Variants in CTNND2 observed in about 807,000 individuals in gnomAD.
CTNND2 encodes catenin delta 2.
CTNND2 carries 22 observed loss-of-function variants against 144.4 expected under a neutral mutation model. The ratio of observed to expected loss-of-function variants is 0.15; its 90% CI spans 0.11 to 0.22. The LOEUF is 0.22. Ranked by LOEUF, CTNND2 falls within the 10% of genes least tolerant of loss-of-function variation. CTNND2 has a pLI of 1.00. For missense variants in CTNND2, 1,353 were observed against 1,618.8 expected, an observed-to-expected ratio of 0.84 and a Z score of 2.82; for synonymous variants, 751 against 695.6, an observed-to-expected ratio of 1.08 and a Z score of -1.25.
At chr5:11,145,965 C>T (rs1043843331) in intron 12 of CTNND2, among the ~76,000 whole-genome samples, 4 of 152,176 alleles carry the variant, frequency 2.6e-5, no homozygotes, top group Non-Finnish European at 4.4e-5. Context: ...TGCGCCTTCA[C>T]CGGCAAACTC....
chr5:11,751,030 T>C (rs955811896), intron 1 of CTNND2, among the ~76,000 whole-genome samples: 7 of 151,946 alleles, frequency 4.6e-5, no homozygotes, highest in Admixed American at 1.3e-4. Context: ...TAAAATTTAG[T>C]AGACTTTTTT....
intron 16 of CTNND2, among the ~76,000 whole-genome samples, chr5:11,039,468 C>T (rs1744454040): frequency 6.6e-6 from 1 of 152,186 alleles, no homozygotes. Flanking sequence ...TCATACCAGT[C>T]CCCTTTTCCC....
chr5:11,270,527 C>G (rs1745892301), intron 9 of CTNND2, among the ~76,000 whole-genome samples: 1 of 150,872 alleles, frequency 6.6e-6, no homozygotes, highest in Admixed American at 6.6e-5. Context: ...AATTTTCATG[C>G]TTTTGCAGTG....
chr5:11,679,031 G>A (rs536285134), intron 2 of CTNND2, among the ~76,000 whole-genome samples: 22 of 152,124 alleles, frequency 1.4e-4, no homozygotes, highest in African/African-American at 4.1e-4. Flanking sequence ...AATCTCAGAG[G>A]AGGGAAAAGA....
chr5:11,895,466 G>A (rs1037896132), intron 1 of CTNND2, among the ~76,000 whole-genome samples: 36 of 152,270 alleles, frequency 2.4e-4, no homozygotes, highest in Middle Eastern at 3.4e-3. Context: ...TAAAATAACC[G>A]TTCACTTAGA....
chr5:11,183,308 C>T (rs1032092772), intron 11 of CTNND2, among the ~76,000 whole-genome samples: 4 of 152,106 alleles, frequency 2.6e-5, no homozygotes, highest in Non-Finnish European at 5.9e-5. Context: ...GTTAATTTAA[C>T]GAAGCCTTAG....
At chr5:11,142,523 T>C (rs536057007) in intron 12 of CTNND2, among the ~76,000 whole-genome samples, 6 of 152,104 alleles carry the variant, frequency 3.9e-5, no homozygotes, top group Non-Finnish European at 7.3e-5. Flanking sequence ...CTCATTTTTA[T>C]AGTTCACTTA....
At chr5:11,231,828 T>A (rs539325348) in intron 10 of CTNND2, among the ~76,000 whole-genome samples, 2 of 152,302 alleles carry the variant, frequency 1.3e-5, no homozygotes, top group East Asian at 3.9e-4. Context: ...CTTCAGGGTA[T>A]CCCCTCCCTT....
rs1447862158 is a variant in CTNND2 at position 11,432,158 on chromosome 5, G to A, written c.288-20089C>T. On this transcript the variant is annotated intron_variant, in intron 3 of 21. Coordinates refer to ENST00000304623, the MANE Select transcript of CTNND2 (RefSeq NM_001332.4). ...TTTTTTTTTAAGTTAAGGGCTTAAG[G>A]ACTGTTACTTTGAGAAAAATTGTAG... Among the ~76,000 whole-genome samples the A allele has an allele frequency of 2.1e-5, 3 of 142,534 alleles. No individual in the cohort carries two copies. The Admixed American group carries it at 2.1e-4, about 10-fold the overall frequency. The allele number at this position is 142,534 out of a possible 152,430, so 93.5% of individuals were successfully genotyped here.
intron 13 of CTNND2, among the ~76,000 whole-genome samples, chr5:11,115,696 C>T (rs1753471874): frequency 6.6e-6 from 1 of 152,198 alleles, no homozygotes; most frequent in African/African-American, 2.4e-5. Flanking sequence ...ACTAAAAACA[C>T]ACAGTCAGTG....
intron 1 of CTNND2, among the ~76,000 whole-genome samples, chr5:11,831,886 G>A (rs150861739): frequency 4.5e-4 from 69 of 152,150 alleles, no homozygotes; most frequent in Admixed American, 1.1e-3. Flanking sequence ...AAGTTAATAT[G>A]TACGAGTTCT....
intron 2 of CTNND2, among the ~76,000 whole-genome samples, chr5:11,716,734 T>C (rs571422436): frequency 1.4e-3 from 210 of 152,248 alleles, no homozygotes; most frequent in African/African-American, 4.9e-3. Flanking sequence ...TCACCGAGGC[T>C]GGAGTGCAGT....
intron 11 of CTNND2, among the ~76,000 whole-genome samples, chr5:11,198,333 A>G (rs1737081525): frequency 6.6e-6 from 1 of 152,362 alleles, no homozygotes; most frequent in Non-Finnish European, 1.5e-5. Flanking sequence ...AAAAAACAAA[A>G]GAAAAAAACC....
chr5:11,412,163 A>G, intron 3 of CTNND2, 94 bp from the exon 4 acceptor site: 2 of 880,966 alleles, frequency 2.3e-6, no homozygotes, highest in East Asian at 2.4e-5. Flanking sequence ...TAGGGTAGTA[A>G]CAGTGGCCCC....
At chr5:11,866,918 T>C (rs760256496) in intron 1 of CTNND2, among the ~76,000 whole-genome samples, 2 of 152,216 alleles carry the variant, frequency 1.3e-5, no homozygotes, top group Non-Finnish European at 2.9e-5. Flanking sequence ...TGACACCTTA[T>C]CACGAGCAGT....
chr5:11,064,748 T>G (rs1413386122), intron 16 of CTNND2, among the ~76,000 whole-genome samples: 2 of 152,232 alleles, frequency 1.3e-5, no homozygotes, highest in Non-Finnish European at 2.9e-5. Flanking sequence ...TATAGTTATT[T>G]TTCCTAAAAG....
intron 15 of CTNND2, among the ~76,000 whole-genome samples, chr5:11,086,468 G>A (rs553464031): frequency 4.6e-5 from 7 of 152,318 alleles, no homozygotes; most frequent in South Asian, 2.1e-4. Flanking sequence ...ATGTGGCCAC[G>A]CTTGCAGACT....
rs774144927 is a variant in CTNND2, at chr5:10,973,266, C to T, written c.*187G>A. On this transcript the variant is annotated 3_prime_UTR_variant, in exon 22 of 22. Transcript: ENST00000304623. The surrounding 1 kb of genome is among the most constrained non-coding windows in gnomAD (Gnocchi z 5.6). ...GATCACTTTAGCTTTCTACTGATTT[C>T]CAAGTTAACTTGCGATTCATTTAGC... 61 of 601,048 alleles carry T rather than the reference C, an allele frequency of 1.0e-4. No individual in the cohort carries two copies. Among genetic ancestry groups the T allele is most frequent in the Non-Finnish European group, 1.6e-4 (60 of 374,552 alleles). The allele number at this position is 601,048 out of a possible 1,614,324, so 37.2% of individuals were successfully genotyped here. A position where few individuals can be genotyped will look rare whatever the true frequency, so the allele number is the denominator to read the frequency against.
chr5:11,219,249 T>A (rs1302438213), intron 10 of CTNND2, among the ~76,000 whole-genome samples: 1 of 152,156 alleles, frequency 6.6e-6, no homozygotes, highest in African/African-American at 2.4e-5. Context: ...CAACTATTAA[T>A]CCTCCCACCA....
Sources: gnomAD v4.1 joint callset for allele counts (sites outside exome capture counted in the v4.1 genomes callset) on GRCh38, gnomAD v4.1.1 for gene constraint, Gnocchi (gnomAD v3.1) non-coding constraint, MANE v1.5 for transcripts, NCBI Gene and HGNC (gene_info 2026-07-23, HGNC 2026-07-21) for gene names.